The following RALGPS1 variants were observed in gnomAD, a reference collection of about 807,000 sequenced individuals.
The protein encoded by RALGPS1 is Ral GEF with PH domain and SH3 binding motif 1.
Under a neutral mutation model 78.8 loss-of-function variants are expected in RALGPS1, and 19 were observed. That is an observed-to-expected ratio of 0.24 (90% CI 0.17 to 0.35). The LOEUF (loss-of-function observed/expected upper bound fraction) is 0.35. Ranked by LOEUF, RALGPS1 falls within the 10% of genes least tolerant of loss-of-function variation. The pLI is 1.00. For missense variants in RALGPS1, 454 were observed against 688.3 expected, an observed-to-expected ratio of 0.66 and a Z score of 3.81; for synonymous variants, 228 against 256.3, an observed-to-expected ratio of 0.89 and a Z score of 1.06.
At chr9:126,950,874 C>T (rs1189722111) in intron 1 of RALGPS1, among the ~76,000 whole-genome samples, 1 of 151,002 alleles carries the variant, frequency 6.6e-6, no homozygotes, top group Non-Finnish European at 1.5e-5. Context: ...TTAATGAATC[C>T]AGGAGCTGGT....
chr9:126,982,985 G>A (rs1384347750), intron 4 of RALGPS1, among the ~76,000 whole-genome samples: 14 of 125,740 alleles, frequency 1.1e-4, no homozygotes, highest in South Asian at 1.1e-3. Context: ...TGCCCAGGCT[G>A]GAGTGCAGTG....
intron 4 of RALGPS1, among the ~76,000 whole-genome samples, chr9:127,013,967 A>G (rs954371028): frequency 2.0e-5 from 3 of 152,202 alleles, no homozygotes; most frequent in Non-Finnish European, 4.4e-5. Context: ...CAACATGTTC[A>G]TAATTGATGC....
chr9:127,089,279 T>C (rs1311833964), intron 8 of RALGPS1: 3 of 826,826 alleles, frequency 3.6e-6, no homozygotes. Context: ...TCTCCATGGG[T>C]GGTGAGAGGC....
intron 4 of RALGPS1, chr9:126,989,966 A>C (rs897109879): frequency 1.9e-6 from 3 of 1,550,560 alleles, no homozygotes; most frequent in East Asian, 4.9e-5. Context: ...GACACGTTGC[A>C]GTTCAGGAAA....
intron 8 of RALGPS1, among the ~76,000 whole-genome samples, chr9:127,155,171 A>G (rs1479626574): frequency 6.6e-6 from 1 of 152,192 alleles, no homozygotes; most frequent in Non-Finnish European, 1.5e-5. Flanking sequence ...ATAGAATTTC[A>G]GAGGCCAGGT....
intron 5 of RALGPS1, among the ~76,000 whole-genome samples, chr9:127,037,831 T>A (rs750290330): frequency 3.9e-5 from 6 of 152,342 alleles, no homozygotes; most frequent in Middle Eastern, 6.8e-3. Flanking sequence ...TTTGTTATGA[T>A]CTAATCACTG....
At chr9:126,936,360 C>T (rs487914) in intron 1 of RALGPS1, among the ~76,000 whole-genome samples, 1 of 151,900 alleles carries the variant, frequency 6.6e-6, no homozygotes, top group Non-Finnish European at 1.5e-5. Flanking sequence ...ACTTCCAAAG[C>T]GAGGAGATTA....
At chr9:127,117,326 A>C in intron 8 of RALGPS1, among the ~76,000 whole-genome samples, 1 of 152,256 alleles carries the variant, frequency 6.6e-6, no homozygotes, top group East Asian at 1.9e-4. Flanking sequence ...AAGCAGGGCC[A>C]GGGCAGATTC....
rs776400412 is a variant in RALGPS1 at position 126,989,911 on chromosome 9, A to T, written c.216+12166A>T. ...TTTGCAGAAAGGCTGGCCTGCCAGAATGGAAGACTCCCTGCAGAAGTCCAC... is the reference window on the plus strand; with the variant it reads ...TTTGCAGAAAGGCTGGCCTGCCAGATTGGAAGACTCCCTGCAGAAGTCCAC... On this transcript the variant is annotated intron_variant, in intron 4 of 18. Transcript: ENST00000259351. The T allele has an allele frequency of 2.6e-6, 4 of 1,550,426 alleles. No individual in the cohort carries two copies. In the South Asian group the frequency reaches 4.8e-5, roughly 18 times the overall value.
At chr9:127,186,272 T>C in intron 11 of RALGPS1, among the ~76,000 whole-genome samples, 1 of 152,222 alleles carries the variant, frequency 6.6e-6, no homozygotes, top group Admixed American at 6.5e-5. Context: ...GCTTTAAAGA[T>C]TATTCATGGA....
In RALGPS1 at chr9:127,052,938, C is replaced by G; in HGVS notation, c.482C>G (p.Ala161Gly). 1 of 1,576,142 alleles carries G rather than the reference C, an allele frequency of 6.3e-7. No homozygotes were observed. Among genetic ancestry groups the G allele is most frequent in the Non-Finnish European group, 8.7e-7 (1 of 1,145,560 alleles). Residue 161 changes from alanine (A) to glycine (G), a missense_variant and splice_region_variant, in exon 7 of 19, where the codon GCT (alanine) becomes GGT (glycine). Physicochemically the swap from Ala to Gly is moderately conservative, Grantham distance 60. Transcript: ENST00000259351. ...ATCTTCAGGCTGACAAAAACCTGGG[C>G]TGTAAGTTAATCTCCCTAAGTCTAT... ...APIFRLTKTW[A>G]LLNRKDKTTF...
chr9:126,993,862 C>T (rs951325459), intron 4 of RALGPS1, among the ~76,000 whole-genome samples: 17 of 152,162 alleles, frequency 1.1e-4, no homozygotes, highest in African/African-American at 4.1e-4. Flanking sequence ...GCAGCATTTG[C>T]GGTTCACCAG....
At chr9:126,963,215 TG>T (rs1285524019) in intron 2 of RALGPS1, among the ~76,000 whole-genome samples, 9 of 152,320 alleles carry the variant, frequency 5.9e-5, no homozygotes, top group African/African-American at 2.2e-4. Flanking sequence ...GCAGATACAA[TG>T]GTGTGTCACT....
chr9:127,055,890 C>G (rs982394978), intron 7 of RALGPS1, among the ~76,000 whole-genome samples: 1 of 152,182 alleles, frequency 6.6e-6, no homozygotes, highest in South Asian at 2.1e-4. Flanking sequence ...GGGTCTCTGT[C>G]TTGGGTGTGG....
intron 7 of RALGPS1, among the ~76,000 whole-genome samples, chr9:127,054,052 G>A (rs970611748): frequency 3.9e-5 from 6 of 152,214 alleles, no homozygotes; most frequent in African/African-American, 1.4e-4. Context: ...AGAGAGTGGA[G>A]AGATGCTGCC....
chr9:127,145,590 T>C (rs1002199589), intron 8 of RALGPS1, among the ~76,000 whole-genome samples: 7 of 152,246 alleles, frequency 4.6e-5, no homozygotes, highest in African/African-American at 1.4e-4. Flanking sequence ...CCTCCATCTT[T>C]CTGACTCAGG....
intron 5 of RALGPS1, among the ~76,000 whole-genome samples, chr9:127,041,386 G>A (rs1441428823): frequency 1.3e-5 from 2 of 152,094 alleles, no homozygotes; most frequent in African/African-American, 2.4e-5. Flanking sequence ...CACCGCACTC[G>A]GCTAGATTTT....
intron 1 of RALGPS1, among the ~76,000 whole-genome samples, chr9:126,939,169 C>T (rs111928239): frequency 2.0e-5 from 3 of 152,146 alleles, no homozygotes; most frequent in East Asian, 1.9e-4. Flanking sequence ...CCTGCAGGGT[C>T]GCATGTGTCT....
At chr9:126,987,877 G>C (rs1322133320) in intron 4 of RALGPS1, among the ~76,000 whole-genome samples, 1 of 152,168 alleles carries the variant, frequency 6.6e-6, no homozygotes, top group African/African-American at 2.4e-5. Flanking sequence ...AGTGTTCAGG[G>C]GTGGGGCGCT....
Sources: gnomAD v4.1 joint callset for allele counts (sites outside exome capture counted in the v4.1 genomes callset) on GRCh38, gnomAD v4.1.1 for gene constraint, MANE v1.5 for transcripts, NCBI Gene and HGNC (gene_info 2026-07-23, HGNC 2026-07-21) for gene names.